Variants in ASIC2 observed in about 807,000 individuals in gnomAD.
ASIC2 encodes the protein acid sensing ion channel subunit 2, also known as acid-sensing ion channel 2.
A neutral mutation model predicts 57.3 loss-of-function variants in ASIC2; 25 were observed. That is an observed-to-expected ratio of 0.44 (90% CI 0.32 to 0.61). The LOEUF (loss-of-function observed/expected upper bound fraction) is 0.61. Among genes scored for constraint, ASIC2 ranks in the 20% least tolerant of loss-of-function variants. ASIC2 has a pLI of 0.06. For synonymous variants in ASIC2, 319 were observed against 307.5 expected (o/e 1.04, Z -0.39); for missense variants, 641 against 738.1 (o/e 0.87, Z 1.52).
intron 1 of ASIC2, among the ~76,000 whole-genome samples, chr17:33,256,130 G>T (rs1034781428): frequency 1.3e-4 from 20 of 152,284 alleles, no homozygotes; most frequent in Non-Finnish European, 2.1e-4. Context: ...TGCTGCATGT[G>T]TACAAAAAAT....
At chr17:33,847,113 G>A (rs765310901) in intron 1 of ASIC2, among the ~76,000 whole-genome samples, 2 of 151,400 alleles carry the variant, frequency 1.3e-5, no homozygotes, top group Non-Finnish European at 2.9e-5. Flanking sequence ...TAGCTCCAAC[G>A]ACCTCTTTGC....
chr17:33,380,049 C>T (rs1218522653), intron 1 of ASIC2, among the ~76,000 whole-genome samples: 1 of 151,752 alleles, frequency 6.6e-6, no homozygotes. Context: ...AGTTGGAGGC[C>T]AGCCTGGCCA....
chr17:33,256,725 G>C (rs938914543), intron 1 of ASIC2, among the ~76,000 whole-genome samples: 1 of 152,172 alleles, frequency 6.6e-6, no homozygotes, highest in African/African-American at 2.4e-5. Context: ...CCAGCTACTA[G>C]GGAGGCTGAG....
intron 1 of ASIC2, among the ~76,000 whole-genome samples, chr17:34,015,234 T>A (rs138232885): frequency 1.3e-5 from 2 of 152,100 alleles, no homozygotes; most frequent in Non-Finnish European, 2.9e-5. Context: ...TCTTTAAGTC[T>A]GGGGCTACAA....
At chr17:33,794,075 G>A (rs1308693759) in intron 1 of ASIC2, 1 of 152,162 alleles carries the variant, frequency 6.6e-6, no homozygotes, top group South Asian at 2.1e-4. Flanking sequence ...ACAGTGAATG[G>A]TCTATTCAAA....
chr17:33,351,862 G>A (rs1419025299), intron 1 of ASIC2, among the ~76,000 whole-genome samples: 2 of 152,152 alleles, frequency 1.3e-5, no homozygotes, highest in African/African-American at 4.8e-5. Context: ...AGTGCTGGGG[G>A]ATGAGGATGG....
At chr17:33,861,122 G>A (rs1036257051) in intron 1 of ASIC2, among the ~76,000 whole-genome samples, 9 of 152,228 alleles carry the variant, frequency 5.9e-5, no homozygotes, top group East Asian at 1.9e-4. Flanking sequence ...AAAAAACCCC[G>A]TGTGTAACAG....
chr17:34,106,041 AAT>A (rs1911039380), intron 1 of ASIC2, among the ~76,000 whole-genome samples: 1 of 152,042 alleles, frequency 6.6e-6, no homozygotes, highest in African/African-American at 2.4e-5. Flanking sequence ...TTTAGCCTTA[AAT>A]AGTCTCGAAT....
chr17:33,560,296 C>T (rs759394706), intron 1 of ASIC2, among the ~76,000 whole-genome samples: 5 of 152,198 alleles, frequency 3.3e-5, no homozygotes, highest in Admixed American at 6.5e-5. Flanking sequence ...GTGATGTTGA[C>T]GTCCTCCCTG....
chr17:33,266,830 G>A, intron 1 of ASIC2, among the ~76,000 whole-genome samples: 1 of 152,046 alleles, frequency 6.6e-6, no homozygotes, highest in Non-Finnish European at 1.5e-5. Flanking sequence ...TCAAAATGTT[G>A]GCTCCCTGTG....
intron 1 of ASIC2, among the ~76,000 whole-genome samples, chr17:33,174,520 T>C (rs1905660929): frequency 6.6e-6 from 1 of 152,120 alleles, no homozygotes; most frequent in African/African-American, 2.4e-5. Context: ...ATGCTAGAGA[T>C]ACCAATTAAT....
At chr17:33,059,323 A>G (rs1376331668) in intron 3 of ASIC2, among the ~76,000 whole-genome samples, 1 of 151,878 alleles carries the variant, frequency 6.6e-6, no homozygotes, top group Non-Finnish European at 1.5e-5. Flanking sequence ...CCAACCCCAC[A>G]ACAGGCCCCA....
intron 1 of ASIC2, among the ~76,000 whole-genome samples, chr17:33,727,747 C>T (rs1010603044): frequency 6.6e-6 from 1 of 152,138 alleles, no homozygotes; most frequent in African/African-American, 2.4e-5. Context: ...GCCAAATAAA[C>T]TTCTTTTCTT....
At chr17:33,257,154 G>T (rs1038271928) in intron 1 of ASIC2, among the ~76,000 whole-genome samples, 1 of 152,216 alleles carries the variant, frequency 6.6e-6, no homozygotes, top group African/African-American at 2.4e-5. Flanking sequence ...CAGCCTATCT[G>T]CAGAAATCTG....
chr17:33,776,423 A>T (rs1210815352), intron 1 of ASIC2, among the ~76,000 whole-genome samples: 3 of 152,238 alleles, frequency 2.0e-5, no homozygotes, highest in African/African-American at 7.2e-5. Context: ...CTTGGTTTCC[A>T]GCCTCTAGAA....
intron 1 of ASIC2, among the ~76,000 whole-genome samples, chr17:33,376,606 A>T (rs1909286396): frequency 6.6e-6 from 1 of 152,192 alleles, no homozygotes; most frequent in Non-Finnish European, 1.5e-5. Flanking sequence ...ACTACCCCTG[A>T]ATTAAAAGCA....
At chr17:33,872,822 C>G (rs1164175551) in intron 1 of ASIC2, among the ~76,000 whole-genome samples, 1 of 152,090 alleles carries the variant, frequency 6.6e-6, no homozygotes, top group Admixed American at 6.5e-5. Context: ...TACAACCTTC[C>G]TGGGTGGCGG....
Position 33,773,681 on chromosome 17 carries a change from G to T in ASIC2, c.555+382297C>A, listed in dbSNP as rs1426628236. Among the ~76,000 whole-genome samples, 46 of 142,650 alleles carry T rather than the reference G, an allele frequency of 3.2e-4. 5 individuals carry two copies. Among genetic ancestry groups the T allele is most frequent in the Non-Finnish European group, 1.5e-5 (1 of 65,760 alleles). 93.6% of individuals were successfully genotyped at this position (142,650 alleles called of 152,430 possible). A position where few individuals can be genotyped will look rare whatever the true frequency, so the allele number is the denominator to read the frequency against. ...GTTTTTTTTTTTTTTTTGAGACAGA[G>T]TCTCACTCTGTCCCTCAGGCTGGAG... On this transcript the variant is annotated intron_variant, in intron 1 of 9. Transcript: ENST00000359872.
At chr17:33,120,131 C>T (rs4074505) in intron 1 of ASIC2, among the ~76,000 whole-genome samples, 51,317 of 152,024 alleles carry the variant, frequency 0.34, 8,780 homozygotes, top group East Asian at 0.5. Flanking sequence ...GTAGGGGTTG[C>T]TGGAATAAGG....
Sources: gnomAD v4.1 joint callset for allele counts (sites outside exome capture counted in the v4.1 genomes callset) on GRCh38, gnomAD v4.1.1 for gene constraint, MANE v1.5 for transcripts, NCBI Gene and HGNC (gene_info 2026-07-23, HGNC 2026-07-21) for gene names.